The following UPK2 variants were observed in gnomAD, a reference collection of about 807,000 sequenced individuals.
UPK2 encodes the protein uroplakin 2.
In UPK2, 19 loss-of-function variants were observed where a neutral mutation model predicts 14.8. The ratio of observed to expected loss-of-function variants is 1.29; its 90% CI spans 0.90 to 1.89. The LOEUF is 1.89. UPK2 is among the 40% of genes most tolerant of loss of function. The pLI is 0.00. For missense variants in UPK2, 232 were observed against 236.0 expected (o/e 0.98, Z 0.11); for synonymous variants, 102 against 101.6 (o/e 1.00, Z -0.02).
chr11:118,956,433 T>C lies in UPK2; in HGVS notation c.76+7T>C. 6.3e-7 allele frequency: 1 copy of C among 1,588,794 alleles called. No individual in the cohort carries two copies. The highest frequency in any genetic ancestry group is 8.6e-7 in the Non-Finnish European group (1 of 1,163,578). On this transcript the variant is annotated splice_region_variant and intron_variant, in intron 1 of 4. Coordinates refer to ENST00000264031, the MANE Select transcript of UPK2 (RefSeq NM_006760.4). This position sits in a 1 kb window ranked among gnomAD's most constrained non-coding sequence, Gnocchi z 4.1. ...CTGTCCCCAGGGGCTGCAGGTCTCT[T>C]CCATCTCTGGCAGGGGTGGGAAGGG... is the stretch of plus-strand genomic sequence containing the variant.
chr11:118,957,535 C>T, intron 3 of UPK2, 63 bp from the exon 4 acceptor site: 2 of 1,596,382 alleles, frequency 1.3e-6, no homozygotes, highest in Admixed American at 1.7e-5. Flanking sequence ...CAGGCTGGAG[C>T]CCCTCTTCCT....
chr11:118,956,899 C>T lies in UPK2; in HGVS notation c.93C>T (p.Ser31=). The part of the protein sequence containing the change: ...SPGAADFNIS[S]LSGLLSPALT... ...TCCCATCAGACTTCAACATCTCAAG[C>T]CTCTCTGGTCTGCTGTCCCCGGCGC... Residue 31 remains serine, a synonymous_variant, in exon 2 of 5, where the codon AGC becomes AGT. Transcript: ENST00000264031. The surrounding 1 kb of genome is among the most constrained non-coding windows in gnomAD (Gnocchi z 4.1). 2 of 1,614,042 alleles carry T rather than the reference C, an allele frequency of 1.2e-6. No homozygotes were observed. The highest frequency in any genetic ancestry group is 1.1e-5 in the South Asian group (1 of 91,078).
In UPK2 at chr11:118,957,598, C is replaced by T. The variant is rs986144043; in HGVS notation, c.348C>T (p.Tyr116=). The change falls in exon 4 of 5, where the codon TAC becomes TAT. Residue 116 remains tyrosine (Y), a splice_region_variant and synonymous_variant. Transcript: ENST00000264031. The part of the protein sequence containing the change: ...VTNLVPGTKF[Y]ISYLVKKGTA... ...TCTACTCTCTCCCAAACCACAAAAG[C>T]ATTTCCTACCTAGTGAAGAAGGGGA... is the stretch of plus-strand genomic sequence containing the variant. 2 of 1,614,058 alleles carry T rather than the reference C, an allele frequency of 1.2e-6. No homozygotes were observed. Among genetic ancestry groups the T allele is most frequent in the African/African-American group, 2.7e-5 (2 of 74,928 alleles).
chr11:118,957,137 A>C, intron 2 of UPK2, 71 bp from the exon 3 acceptor site: 1 of 1,611,062 alleles, frequency 6.2e-7, no homozygotes, highest in South Asian at 1.1e-5. Flanking sequence ...CCCACACTCT[A>C]AAAGCTGCCC....
rs1250220963 is a variant in UPK2 at position 118,957,106 on chromosome 11, G to A, written c.208+92G>A. ...CCCTTTTCCCCATTCATGCCTTCCT[G>A]TCCACCCGTCTCCTGGGGTACCCAC... On this transcript the variant is annotated intron_variant, in intron 2 of 4. Coordinates refer to ENST00000264031, the MANE Select transcript of UPK2 (RefSeq NM_006760.4). The A allele has an allele frequency of 1.1e-5, 18 of 1,605,344 alleles. No homozygotes were observed. The East Asian group carries it at 2.2e-4, about 20-fold the overall frequency.
Position 118,958,412 on chromosome 11 carries a change from C to A in UPK2, c.*179C>A. 1.6e-6 allele frequency: 1 copy of A among 627,648 alleles called. No homozygotes were observed. The highest frequency in any genetic ancestry group is 2.7e-6 in the Non-Finnish European group (1 of 371,506). The allele number at this position is 627,648 out of a possible 1,614,324, so 38.9% of individuals were successfully genotyped here. On this transcript the variant is annotated 3_prime_UTR_variant, in exon 5 of 5. Coordinates refer to ENST00000264031, the MANE Select transcript of UPK2 (RefSeq NM_006760.4). This position sits in a 1 kb window ranked among gnomAD's most constrained non-coding sequence, Gnocchi z 4.6. Reference sequence around the variant, plus strand: ...GTCCCTCTCCTTGCCCCCAGTGCCTCACCTTCCAACACTCCATTATTCCTC... The same window carrying A: ...GTCCCTCTCCTTGCCCCCAGTGCCTAACCTTCCAACACTCCATTATTCCTC...
chr11:118,957,458 G>T, intron 3 of UPK2, 112 bp downstream of exon 3: 1 of 1,550,208 alleles, frequency 6.5e-7, no homozygotes, highest in Non-Finnish European at 8.8e-7. Context: ...CACAGCAAAA[G>T]GGGGTGAAAG....
chr11:118,958,006 CAGTCTGT>C lies in UPK2; in HGVS notation c.419-90_419-84del. 1 of 1,510,958 alleles carries C rather than the reference CAGTCTGT, an allele frequency of 6.6e-7. No homozygotes were observed. The highest frequency in any genetic ancestry group is 2.2e-5 in the Admixed American group (1 of 46,312). 93.6% of individuals were successfully genotyped at this position (1,510,958 alleles called of 1,614,324 possible). ...CTGGCTGGCTGGCTGGTTGGTTGGG[CAGTCTGT>C]TGGCTGGATGAGTGTGAGGCCGTGA... On this transcript the variant is annotated intron_variant, in intron 4 of 4. Coordinates refer to ENST00000264031, the MANE Select transcript of UPK2 (RefSeq NM_006760.4). This position sits in a 1 kb window ranked among gnomAD's most constrained non-coding sequence, Gnocchi z 4.6.
Position 118,957,724 on chromosome 11 carries a change from A to G in UPK2, c.418+56A>G, listed in dbSNP as rs948669078. On this transcript the variant is annotated intron_variant, in intron 4 of 4. Transcript: ENST00000264031. ...CTCAGCGGCCACAAACGCTTCCCTG[A>G]CCATTCCTGCCTCATCCCCAGTCTG... The G allele has an allele frequency of 2.5e-6, 4 of 1,600,502 alleles. No homozygotes were observed. In the African/African-American group the frequency reaches 5.4e-5, roughly 21 times the overall value.
At position 118,956,518 on chromosome 11, in the gene UPK2, C is replaced by A; in HGVS notation, c.76+92C>A. ...CAGGGCTCTCAAAGAGAGGTCTGGA[C>A]AGTTGGGAGTCAGGGCTGGTGATGG... On this transcript the variant is annotated intron_variant, in intron 1 of 4. Coordinates refer to ENST00000264031, the MANE Select transcript of UPK2 (RefSeq NM_006760.4). This position sits in a 1 kb window ranked among gnomAD's most constrained non-coding sequence, Gnocchi z 4.1. 1 of 1,147,446 alleles carries A rather than the reference C, an allele frequency of 8.7e-7. No homozygotes were observed. Among genetic ancestry groups the A allele is most frequent in the Non-Finnish European group, 1.3e-6 (1 of 793,154 alleles). 71.1% of individuals were successfully genotyped at this position (1,147,446 alleles called of 1,614,324 possible).
chr11:118,958,496 T>C lies in UPK2; in HGVS notation c.*263T>C, dbSNP rs942781798. The C allele has an allele frequency of 6.8e-6, 3 of 440,704 alleles. No individual in the cohort carries two copies. Among genetic ancestry groups the C allele is most frequent in the South Asian group, 8.8e-5 (2 of 22,774 alleles). 27.3% of individuals were successfully genotyped at this position (440,704 alleles called of 1,614,324 possible). A position where few individuals can be genotyped will look rare whatever the true frequency, so the allele number is the denominator to read the frequency against. On this transcript the variant is annotated 3_prime_UTR_variant, in exon 5 of 5. Transcript: ENST00000264031. The surrounding 1 kb of genome is among the most constrained non-coding windows in gnomAD (Gnocchi z 4.6). ...CATTTTACCACTTTAAACACCCCCA[T>C]AACAATTCCCCCATCCTTCAGTGAA...
chr11:118,957,035 G>C, intron 2 of UPK2, 21 bp downstream of exon 2: 1 of 1,613,492 alleles, frequency 6.2e-7, no homozygotes, highest in African/African-American at 1.3e-5. Flanking sequence ...TTCTCCCAAG[G>C]CATCCCTCTA....
chr11:118,958,047 C>A lies in UPK2; in HGVS notation c.419-50C>A. On this transcript the variant is annotated intron_variant, in intron 4 of 4. Transcript: ENST00000264031. The surrounding 1 kb of genome is among the most constrained non-coding windows in gnomAD (Gnocchi z 4.6). ...TGAGTGTGAGGCCGTGAGCCTCAGG[C>A]AGGCTGGGGGTCTCTCCCGCCCACA... 1 of 1,567,966 alleles carries A rather than the reference C, an allele frequency of 6.4e-7. No individual in the cohort carries two copies. Among genetic ancestry groups the A allele is most frequent in the Non-Finnish European group, 8.7e-7 (1 of 1,152,656 alleles).
chr11:118,957,564 T>C (rs1187137130), intron 3 of UPK2, 34 bp from the exon 4 acceptor site: 1 of 1,612,614 alleles, frequency 6.2e-7, no homozygotes, highest in Non-Finnish European at 8.5e-7. Context: ...CAATACTCAC[T>C]GAGGGTTCTC....
At position 118,957,622 on chromosome 11, in the gene UPK2, G is replaced by A. The variant is rs754814198; in HGVS notation, c.372G>A (p.Gly124=). Residue 124 remains glycine, a synonymous_variant, in exon 4 of 5, where the codon GGG becomes GGA. Coordinates refer to ENST00000264031, the MANE Select transcript of UPK2 (RefSeq NM_006760.4). ...GCATTTCCTACCTAGTGAAGAAGGG[G>A]ACAGCCACTGAGTCCAGCAGAGAGA... ...KFYISYLVKK[G]TATESSREIP... The A allele has an allele frequency of 1.5e-5, 24 of 1,614,002 alleles. No homozygotes were observed. Among genetic ancestry groups the A allele is most frequent in the Non-Finnish European group, 2.0e-5 (24 of 1,180,032 alleles).
rs200162064 is a variant in UPK2 at position 118,957,683 on chromosome 11, C to T, written c.418+15C>T. On this transcript the variant is annotated intron_variant, in intron 4 of 4. Coordinates refer to ENST00000264031, the MANE Select transcript of UPK2 (RefSeq NM_006760.4). ...CACACTCCCTCGTAAGTAACACTCC[C>T]GCCTCCCTTTCCCATCTCAGCGGCC... 70 of 1,613,850 alleles carry T rather than the reference C, an allele frequency of 4.3e-5. No individual in the cohort carries two copies. Among genetic ancestry groups the T allele is most frequent in the Middle Eastern group, 3.3e-4 (2 of 6,052 alleles).
Position 118,957,250 on chromosome 11 carries a change from G to A in UPK2, c.251G>A (p.Arg84Lys). Residue 84 changes from arginine (R) to lysine (K), a missense_variant, in exon 3 of 5, where the codon AGG becomes AAG. Physicochemically the swap from Arg to Lys is conservative, Grantham distance 26 (BLOSUM62 2). Coordinates refer to ENST00000264031, the MANE Select transcript of UPK2 (RefSeq NM_006760.4). ...SFVVPPCRGRRELVSVVDSGA... is the reference protein window; with the variant it reads ...SFVVPPCRGRKELVSVVDSGA... ...GTGGTGCCTCCGTGCCGTGGGCGCA[G>A]GGAACTGGTGAGTGTGGTGGACAGT... is the stretch of plus-strand genomic sequence containing the variant. The A allele has an allele frequency of 1.4e-5, 23 of 1,614,144 alleles. No homozygotes were observed. The highest frequency in any genetic ancestry group is 1.8e-5 in the Non-Finnish European group (21 of 1,180,034).
At position 118,957,015 on chromosome 11, in the gene UPK2, G is replaced by A. The variant is rs781606282; in HGVS notation, c.208+1G>A. ...GTCCGGAGAGCCAATGACAGCAAAGGTCTGCTACCTTCTCCCAAGGCATCC... is the reference window on the plus strand; with the variant it reads ...GTCCGGAGAGCCAATGACAGCAAAGATCTGCTACCTTCTCCCAAGGCATCC... On this transcript the variant is annotated splice_donor_variant, in intron 2 of 4. Coordinates refer to ENST00000264031, the MANE Select transcript of UPK2 (RefSeq NM_006760.4). LOFTEE classifies it high-confidence loss of function. The A allele has an allele frequency of 4.5e-5, 73 of 1,613,840 alleles. No homozygotes were observed. The highest frequency in any genetic ancestry group is 1.6e-4 in the Middle Eastern group (1 of 6,084).
At position 118,956,974 on chromosome 11, in the gene UPK2, C is replaced by T; in HGVS notation, c.168C>T (p.Gly56=). 6.2e-7 allele frequency: 1 copy of T among 1,614,144 alleles called. No homozygotes were observed. Among genetic ancestry groups the T allele is most frequent in the Non-Finnish European group, 8.5e-7 (1 of 1,180,012 alleles). ...TGCCCCCCTGTCACCTCACAGGAGGCAATGCCACACTGATGGTCCGGAGAG... is the reference window on the plus strand; with the variant it reads ...TGCCCCCCTGTCACCTCACAGGAGGTAATGCCACACTGATGGTCCGGAGAG... ...VALPPCHLTG[G]NATLMVRRAN... is the part of the protein sequence containing the mutation. The change falls in exon 2 of 5, where the codon GGC becomes GGT. Residue 56 remains glycine (G), a synonymous_variant. Transcript: ENST00000264031. The surrounding 1 kb of genome is among the most constrained non-coding windows in gnomAD (Gnocchi z 4.1).
Sources: allele counts gnomAD v4.1 joint callset, GRCh38; gene constraint gnomAD v4.1.1; non-coding constraint Gnocchi (gnomAD v3.1); transcripts MANE v1.5; gene names NCBI Gene and HGNC (gene_info 2026-07-23, HGNC 2026-07-21).